Variants in PPP6R1 observed in about 807,000 individuals in gnomAD.
PPP6R1 encodes the protein serine/threonine-protein phosphatase 6 regulatory subunit 1.
In PPP6R1, 39 loss-of-function variants were observed where a neutral mutation model predicts 104.6. That is an observed-to-expected ratio of 0.37 (90% CI 0.29 to 0.49). The LOEUF (loss-of-function observed/expected upper bound fraction) is 0.49, where lower values mean the gene tolerates loss of function less well. Among genes scored for constraint, PPP6R1 ranks in the 20% least tolerant of loss-of-function variants. PPP6R1 has a pLI of 0.98. For missense variants in PPP6R1, 1,181 were observed against 1,155.8 expected, an observed-to-expected ratio of 1.02 and a Z score of -0.32; for synonymous variants, 549 against 479.0, an observed-to-expected ratio of 1.15 and a Z score of -1.91.
rs1600122069 is a variant in PPP6R1 at position 55,258,710 on chromosome 19, G to A, written c.-282C>T. On this transcript the variant is annotated 5_prime_UTR_variant, in exon 1 of 24. Coordinates refer to ENST00000412770, the MANE Select transcript of PPP6R1 (RefSeq NM_014931.4). Reference sequence around the variant, plus strand: ...TCACTAGTCCGCGTAGGCACCTCCGGGGTCCGCAGGCGAGGTGGGCGTGCG... The same window carrying A: ...TCACTAGTCCGCGTAGGCACCTCCGAGGTCCGCAGGCGAGGTGGGCGTGCG... 6.6e-6 allele frequency: 1 copy of A among 151,800 alleles called. No individual in the cohort carries two copies. Among genetic ancestry groups the A allele is most frequent in the Middle Eastern group, 3.4e-3 (1 of 292 alleles). 9.4% of individuals were successfully genotyped at this position (151,800 alleles called of 1,614,324 possible).
Position 55,231,413 on chromosome 19 carries a change from T to C in PPP6R1, c.2456A>G (p.Asp819Gly). 6.3e-7 allele frequency: 1 copy of C among 1,596,860 alleles called. No individual in the cohort carries two copies. Among genetic ancestry groups the C allele is most frequent in the Non-Finnish European group, 8.5e-7 (1 of 1,172,612 alleles). ...GCAGCCCCACCTCGCTGCTCACCTG[T>C]CCGAGGAGCTGGGGGCAGAACGGAT... is the stretch of plus-strand genomic sequence containing the variant. ...HGIRSAPSSSDSATRDPSTSV... is the reference protein window; with the variant it reads ...HGIRSAPSSSGSATRDPSTSV... The change falls in exon 21 of 24, where the codon GAC becomes GGC. Residue 819 changes from aspartate (D) to glycine (G), a missense_variant. Around this residue, in one of 2 missense-constraint regions of PPP6R1, gnomAD observed 1,042 missense variants for 955.6 expected, o/e 1.09. Coordinates refer to ENST00000412770, the MANE Select transcript of PPP6R1 (RefSeq NM_014931.4).
At chr19:55,236,599 C>A (rs749469593) in intron 17 of PPP6R1, 44 bp downstream of exon 17, 1 of 1,474,450 alleles carries the variant, frequency 6.8e-7, no homozygotes, top group Non-Finnish European at 8.9e-7. Context: ...TTGGCCCTGC[C>A]GTGTGGTGGA....
rs1296130108 is a variant in PPP6R1 at position 55,258,642 on chromosome 19, G to A, written c.-214C>T. ...CTCGCGCGCCGGGTCCTGCAGAGTT[G>A]AGGGGGTCAGCGCCGGGTGGAGTTG... On this transcript the variant is annotated 5_prime_UTR_variant, in exon 1 of 24. Coordinates refer to ENST00000412770, the MANE Select transcript of PPP6R1 (RefSeq NM_014931.4). 6.7e-6 allele frequency: 1 copy of A among 149,014 alleles called. No homozygotes were observed. Among genetic ancestry groups the A allele is most frequent in the African/African-American group, 2.6e-5 (1 of 38,956 alleles). 9.2% of individuals were successfully genotyped at this position (149,014 alleles called of 1,614,324 possible). A position where few individuals can be genotyped will look rare whatever the true frequency, so the allele number is the denominator to read the frequency against.
In PPP6R1 at chr19:55,245,191, G is replaced by A. The variant is rs779356156; in HGVS notation, c.553-6C>T. The A allele has an allele frequency of 1.9e-6, 3 of 1,612,294 alleles. No individual in the cohort carries two copies. The South Asian group carries it at 3.3e-5, about 18-fold the overall frequency. ...ATCTTCTCCTCGTTGAGCCACTGAG[G>A]GTGAGAAGGCGAGGGATGCATCGCT... On this transcript the variant is annotated splice_region_variant and splice_polypyrimidine_tract_variant and intron_variant, in intron 4 of 23. Coordinates refer to ENST00000412770, the MANE Select transcript of PPP6R1 (RefSeq NM_014931.4). The surrounding 1 kb of genome is among the most constrained non-coding windows in gnomAD (Gnocchi z 6.4).
Position 55,245,210 on chromosome 19 carries a change from C to T in PPP6R1, c.553-25G>A, listed in dbSNP as rs1246137623. On this transcript the variant is annotated intron_variant, in intron 4 of 23. Coordinates refer to ENST00000412770, the MANE Select transcript of PPP6R1 (RefSeq NM_014931.4). This position sits in a 1 kb window ranked among gnomAD's most constrained non-coding sequence, Gnocchi z 6.4. ...ACTGAGGGTGAGAAGGCGAGGGATG[C>T]ATCGCTGTCCACCACGCCCAGCCCC... The T allele has an allele frequency of 2.5e-6, 4 of 1,609,314 alleles. No homozygotes were observed. Among genetic ancestry groups the T allele is most frequent in the Admixed American group, 3.4e-5 (2 of 59,382 alleles).
chr19:55,231,493 T>C lies in PPP6R1; in HGVS notation c.2378-2A>G. On this transcript the variant is annotated splice_acceptor_variant, in intron 20 of 23. Transcript: ENST00000412770. LOFTEE classifies it high-confidence loss of function. ...TGCTAACCAAGGCCTGGCAAGGGGC[T>C]GTGGGGGATAAGAGATCTCAGCTGC... 6.2e-7 allele frequency: 1 copy of C among 1,606,382 alleles called. No individual in the cohort carries two copies.
downstream of PPP6R1, chr19:55,229,638 G>C (rs566117100): frequency 6.6e-6 from 1 of 152,394 alleles, no homozygotes; most frequent in Non-Finnish European, 1.5e-5. Flanking sequence ...GGCCCAGCCT[G>C]GGGCCTCTGC....
intron 17 of PPP6R1, among the ~76,000 whole-genome samples, chr19:55,234,914 T>C (rs917261344): frequency 2.0e-5 from 3 of 152,108 alleles, no homozygotes; most frequent in Admixed American, 2.0e-4. Flanking sequence ...CAGGACAACT[T>C]TACCCTCAGA....
At chr19:55,229,614 C>T (rs934979324), downstream of PPP6R1, 2 of 152,268 alleles carry the variant, frequency 1.3e-5, no homozygotes, top group African/African-American at 4.8e-5. Context: ...CAGGAGCCCT[C>T]ACAGCCAGTG....
chr19:55,232,096 TG>T lies in PPP6R1; in HGVS notation c.2103del (p.Ser702AlafsTer216). ...TCACCTGGAGGCTGAGGGCCAGGGC[TG>T]GGGTAGGACAGAGGGGTGGCCCCTC... ...ARGGATPLSY[P>X]SPGPQPPGPS... is the part of the protein sequence containing the mutation. On this transcript the variant is annotated frameshift_variant, in exon 18 of 24. Transcript: ENST00000412770. LOFTEE classifies it high-confidence loss of function. 1 of 1,609,944 alleles carries T rather than the reference TG, an allele frequency of 6.2e-7. No homozygotes were observed. The highest frequency in any genetic ancestry group is 8.5e-7 in the Non-Finnish European group (1 of 1,178,218).
At chr19:55,234,396 C>T (rs943403411) in intron 17 of PPP6R1, among the ~76,000 whole-genome samples, 1 of 152,138 alleles carries the variant, frequency 6.6e-6, no homozygotes. Flanking sequence ...TACACAGGTG[C>T]CAAGATGATT....
chr19:55,240,339 C>G (rs1188628463), intron 10 of PPP6R1, 39 bp from the exon 11 acceptor site: 3 of 1,559,218 alleles, frequency 1.9e-6, no homozygotes, highest in South Asian at 1.2e-5. Flanking sequence ...GAGGGGTGGT[C>G]TGCACACATG....
rs1465510372 is a variant in PPP6R1 at position 55,245,299 on chromosome 19, A to T, written c.518T>A (p.Val173Glu). ...ATCCTGCCTCAGCTGAGGCCGCTCCACACAGGTGAGCAGGCGCAGCAGGAG... is the reference window on the plus strand; with the variant it reads ...ATCCTGCCTCAGCTGAGGCCGCTCCTCACAGGTGAGCAGGCGCAGCAGGAG... ...MDLLLRLLTCVERPQLRQDVV... is the reference protein window; with the variant it reads ...MDLLLRLLTCEERPQLRQDVV... Residue 173 changes from valine to glutamate, a missense_variant, in exon 4 of 24, where the codon GTG becomes GAG. Physicochemically the swap from Val to Glu is moderately radical, Grantham distance 121 (BLOSUM62 -2). Coordinates refer to ENST00000412770, the MANE Select transcript of PPP6R1 (RefSeq NM_014931.4). This position sits in a 1 kb window ranked among gnomAD's most constrained non-coding sequence, Gnocchi z 6.4. 4 of 1,604,180 alleles carry T rather than the reference A, an allele frequency of 2.5e-6. No homozygotes were observed. The African/African-American group carries it at 5.4e-5, about 22-fold the overall frequency.
chr19:55,240,860 G>A (rs1852342131), intron 10 of PPP6R1, 85 bp downstream of exon 10: 2 of 1,503,708 alleles, frequency 1.3e-6, no homozygotes, highest in Middle Eastern at 2.3e-4. Context: ...CTTGTGGGAG[G>A]AAGGAGTGAG....
chr19:55,253,587 A>G (rs1045997622), intron 1 of PPP6R1, among the ~76,000 whole-genome samples: 17 of 152,246 alleles, frequency 1.1e-4, no homozygotes, highest in African/African-American at 4.1e-4. Flanking sequence ...CTCCATCTCA[A>G]GTGGCTCCTC....
Position 55,231,875 on chromosome 19 carries a change from GC to G in PPP6R1, c.2232del (p.Leu746SerfsTer172). On this transcript the variant is annotated frameshift_variant, in exon 19 of 24. Transcript: ENST00000412770. LOFTEE classifies it high-confidence loss of function. ...GGGAGGCCCTGGGGCACACTGAGGG[GC>G]CCCTGTGGGGCTGGAGGCCCAGTGT... ...ELHTGPPAPQ[G>X]PLSVPQGLPT... 2 of 1,506,330 alleles carry G rather than the reference GC, an allele frequency of 1.3e-6. No individual in the cohort carries two copies. Among genetic ancestry groups the G allele is most frequent in the Non-Finnish European group, 1.8e-6 (2 of 1,127,612 alleles). 93.3% of individuals were successfully genotyped at this position (1,506,330 alleles called of 1,614,324 possible). A position where few individuals can be genotyped will look rare whatever the true frequency, so the allele number is the denominator to read the frequency against.
At chr19:55,244,195 G>A (rs1335504868) in intron 5 of PPP6R1, among the ~76,000 whole-genome samples, 1 of 152,236 alleles carries the variant, frequency 6.6e-6, no homozygotes, top group Non-Finnish European at 1.5e-5. Flanking sequence ...CCCAGCCTGG[G>A]TGAGCCCAGA....
chr19:55,244,442 C>T (rs146890919), intron 5 of PPP6R1, among the ~76,000 whole-genome samples: 9 of 152,278 alleles, frequency 5.9e-5, no homozygotes, highest in East Asian at 1.9e-4. Context: ...GGCTGCTGGA[C>T]GGACACTTAG....
At position 55,239,714 on chromosome 19, in the gene PPP6R1, T is replaced by G. The variant is rs1371137667; in HGVS notation, c.1564-31A>C. The stretch of plus-strand genomic sequence containing the variant: ...GAGAGGAGGGGGCGTCAGGGCCTGC[T>G]GGAGCCCCCAGACCAGGGTGGGCAG... On this transcript the variant is annotated intron_variant, in intron 13 of 23. Transcript: ENST00000412770. The G allele has an allele frequency of 9.4e-6, 15 of 1,594,952 alleles. No homozygotes were observed. The South Asian group carries it at 1.5e-4, about 15-fold the overall frequency.
Sources: gnomAD v4.1 joint callset for allele counts (sites outside exome capture counted in the v4.1 genomes callset) on GRCh38, gnomAD v4.1.1 for gene constraint, gnomAD v4.1.1 regional missense constraint, Gnocchi (gnomAD v3.1) non-coding constraint, MANE v1.5 for transcripts, NCBI Gene and HGNC (gene_info 2026-07-23, HGNC 2026-07-21) for gene names.